ASH1L: variants seen among roughly 807,000 people sequenced by gnomAD.
The protein encoded by ASH1L is histone-lysine N-methyltransferase ASH1L.
Under a neutral mutation model 269.0 loss-of-function variants are expected in ASH1L, and 23 were observed. The observed-to-expected ratio is 0.09, with a 90% CI of 0.06 to 0.12. ASH1L has a LOEUF of 0.12. Among genes scored for constraint, ASH1L ranks in the 10% least tolerant of loss-of-function variants. ASH1L has a pLI of 1.00. For missense variants in ASH1L, 2,912 were observed against 3,567.8 expected, an observed-to-expected ratio of 0.82 and a Z score of 4.68; for synonymous variants, 1,187 against 1,253.5, an observed-to-expected ratio of 0.95 and a Z score of 1.12.
chr1:155,539,089 T>C (rs1402010100), intron 1 of ASH1L, among the ~76,000 whole-genome samples: 1 of 152,206 alleles, frequency 6.6e-6, no homozygotes, highest in East Asian at 1.9e-4. Context: ...TGGAATTCTT[T>C]AGGTTCAGTC....
chr1:155,371,661 T>C (rs535345330), intron 10 of ASH1L, among the ~76,000 whole-genome samples: 1 of 151,542 alleles, frequency 6.6e-6, no homozygotes, highest in Non-Finnish European at 1.5e-5. Flanking sequence ...ATTTACTGAT[T>C]TAAAAAAAAA....
At chr1:155,533,854 A>G (rs1669859879) in intron 1 of ASH1L, among the ~76,000 whole-genome samples, 1 of 152,040 alleles carries the variant, frequency 6.6e-6, no homozygotes, top group African/African-American at 2.4e-5. Context: ...CACCTCTCCA[A>G]CCATTTCATC....
chr1:155,388,548 A>G (rs1194568213), intron 7 of ASH1L, among the ~76,000 whole-genome samples: 1 of 151,950 alleles, frequency 6.6e-6, no homozygotes, highest in Non-Finnish European at 1.5e-5. Flanking sequence ...GCAATCCAAC[A>G]GCCTCAGCCT....
intron 5 of ASH1L, chr1:155,433,703 T>C (rs1257041794): frequency 6.3e-7 from 1 of 1,599,870 alleles, no homozygotes; most frequent in Non-Finnish European, 8.5e-7. Context: ...GGGGGTTCTA[T>C]TTGGGAAGGT....
At chr1:155,438,183 C>T (rs891794758) in intron 5 of ASH1L, 144 bp downstream of exon 5, 4 of 873,176 alleles carry the variant, frequency 4.6e-6, no homozygotes, top group East Asian at 2.7e-5. Context: ...AAAAGCAATA[C>T]ATAAGAACAG....
chr1:155,360,039 G>A (rs955359855), intron 13 of ASH1L, among the ~76,000 whole-genome samples: 30 of 152,036 alleles, frequency 2.0e-4, no homozygotes, highest in Middle Eastern at 3.4e-3. Context: ...TTACAGGTGC[G>A]CGCCACCACA....
intron 5 of ASH1L, chr1:155,433,593 A>G: frequency 6.2e-7 from 1 of 1,610,774 alleles, no homozygotes. Flanking sequence ...GAGTCCCAGA[A>G]CATCAAAGCT....
Position 155,481,966 on chromosome 1 carries a change from T to C in ASH1L, c.904A>G (p.Lys302Glu). The C allele has an allele frequency of 6.2e-7, 1 of 1,614,172 alleles. No individual in the cohort carries two copies. Residue 302 changes from lysine (K) to glutamate (E), a missense_variant, in exon 3 of 28, where the codon AAG becomes GAG. Lys to Glu is a moderately conservative substitution (Grantham distance 56). Transcript: ENST00000392403. ...VFNAAVGLVN[K>E]DSVKKLGTGT... The stretch of plus-strand genomic sequence containing the variant: ...GTTCCCAGTTTTTTCACAGAGTCCT[T>C]ATTGACCAATCCTACTGCTGCATTA...
chr1:155,376,655 G>A (rs1201890160), intron 10 of ASH1L, among the ~76,000 whole-genome samples: 2 of 151,730 alleles, frequency 1.3e-5, no homozygotes, highest in Non-Finnish European at 2.9e-5. Flanking sequence ...CTCCAGCCTG[G>A]CGACAGAGCG....
chr1:155,362,149 C>T (rs1274466627), intron 12 of ASH1L, among the ~76,000 whole-genome samples: 2 of 152,014 alleles, frequency 1.3e-5, no homozygotes, highest in Admixed American at 6.6e-5. Context: ...GATTCTCCTA[C>T]CTCAGCTTCC....
chr1:155,518,422 TG>T (rs1334104857), intron 2 of ASH1L, among the ~76,000 whole-genome samples: 1 of 152,034 alleles, frequency 6.6e-6, no homozygotes, highest in South Asian at 2.1e-4. Context: ...AACTTTTTTT[TG>T]CATCAGAGGA....
At chr1:155,382,366 C>A (rs542627747) in intron 7 of ASH1L, among the ~76,000 whole-genome samples, 1 of 151,874 alleles carries the variant, frequency 6.6e-6, no homozygotes. Context: ...GGCGTGGTGG[C>A]GGGCATCTGT....
At position 155,352,681 on chromosome 1, in the gene ASH1L, C is replaced by G. The variant is rs374371536; in HGVS notation, c.7366+25G>C. On this transcript the variant is annotated intron_variant, in intron 17 of 27. Coordinates refer to ENST00000392403, the MANE Select transcript of ASH1L (RefSeq NM_018489.3). Reference sequence around the variant, plus strand: ...AAGAAAAAGAAAAAGAAAAAAAGAACGAATTTGAAGGTGGTTATAGTCACC... The same window carrying G: ...AAGAAAAAGAAAAAGAAAAAAAGAAGGAATTTGAAGGTGGTTATAGTCACC... The G allele has an allele frequency of 1.9e-6, 3 of 1,548,228 alleles. No homozygotes were observed. In the South Asian group the frequency reaches 3.7e-5, roughly 19 times the overall value.
chr1:155,337,888 A>T, intron 27 of ASH1L, 137 bp from the exon 28 acceptor site: 2 of 1,024,506 alleles, frequency 2.0e-6, no homozygotes, highest in Non-Finnish European at 2.9e-6. Flanking sequence ...CTCCAACCCT[A>T]CGTGAAAAAG....
At chr1:155,547,198 G>A (rs538835349) in intron 1 of ASH1L, among the ~76,000 whole-genome samples, 2 of 150,662 alleles carry the variant, frequency 1.3e-5, no homozygotes, top group South Asian at 4.2e-4. Context: ...TGATCTGCCC[G>A]CCTTGGCCTC....
At chr1:155,435,247 A>G (rs908861930) in intron 5 of ASH1L, among the ~76,000 whole-genome samples, 1 of 152,250 alleles carries the variant, frequency 6.6e-6, no homozygotes, top group African/African-American at 2.4e-5. Flanking sequence ...TAGTACTGAA[A>G]GAAAATTAAA....
chr1:155,483,481 T>C (rs1666094043), intron 2 of ASH1L, among the ~76,000 whole-genome samples: 1 of 151,756 alleles, frequency 6.6e-6, no homozygotes, highest in Non-Finnish European at 1.5e-5. Flanking sequence ...AAGTGACAAA[T>C]GAAAAGACAA....
At chr1:155,471,381 T>G (rs1476500721) in intron 3 of ASH1L, among the ~76,000 whole-genome samples, 1 of 152,154 alleles carries the variant, frequency 6.6e-6, no homozygotes, top group African/African-American at 2.4e-5. Flanking sequence ...AATCACATAA[T>G]TAAAAATCTG....
chr1:155,542,745 T>C (rs1315097961), intron 1 of ASH1L, among the ~76,000 whole-genome samples: 1 of 149,764 alleles, frequency 6.7e-6, no homozygotes, highest in Non-Finnish European at 1.5e-5. Flanking sequence ...AGTGGTGCAA[T>C]CTTGGCTCAC....
Sources: allele counts gnomAD v4.1 joint callset (sites outside exome capture counted in the v4.1 genomes callset), GRCh38; gene constraint gnomAD v4.1.1; transcripts MANE v1.5; gene names NCBI Gene and HGNC (gene_info 2026-07-23, HGNC 2026-07-21).